QTMAN: variants seen among roughly 807,000 people sequenced by gnomAD.
QTMAN encodes tRNA-queuosine alpha-mannosyltransferase.
chr2:143,976,177 T>C, the QTMAN span, among the ~76,000 whole-genome samples: 28 of 151,484 alleles, frequency 1.8e-4, no homozygotes, highest in Non-Finnish European at 3.7e-4. Context: ...TTAGGCAGTT[T>C]TTGACTTTTT....
At chr2:144,140,406 T>C in the QTMAN span, among the ~76,000 whole-genome samples, 1 of 152,004 alleles carries the variant, frequency 6.6e-6, no homozygotes, top group Non-Finnish European at 1.5e-5. Context: ...ACATTTTGCC[T>C]ATATGTGATA....
chr2:144,144,732 C>T, the QTMAN span, among the ~76,000 whole-genome samples: 41 of 151,972 alleles, frequency 2.7e-4, no homozygotes, highest in East Asian at 7.2e-3. Flanking sequence ...TACTATATAG[C>T]CATTTTTCTA....
chr2:144,190,025 C>T, the QTMAN span, among the ~76,000 whole-genome samples: 8 of 152,042 alleles, frequency 5.3e-5, no homozygotes, highest in South Asian at 1.0e-3. Context: ...TAAGGAATTA[C>T]TTGGGGTTTT....
At chr2:144,097,629 T>TGAATTG in the QTMAN span, among the ~76,000 whole-genome samples, 1 of 152,180 alleles carries the variant, frequency 6.6e-6, no homozygotes, top group Non-Finnish European at 1.5e-5. Context: ...TGCAATAATA[T>TGAATTG]AGGTGCTGAA....
the QTMAN span, among the ~76,000 whole-genome samples, chr2:143,981,577 A>G: frequency 2.6e-4 from 39 of 152,238 alleles, no homozygotes. Context: ...AAAGTCATTA[A>G]TAAGAAATCC....
chr2:144,146,848 A>G, the QTMAN span, among the ~76,000 whole-genome samples: 1 of 151,886 alleles, frequency 6.6e-6, no homozygotes, highest in African/African-American at 2.4e-5. Context: ...AAGAAGGTTA[A>G]GAGTTTTTCT....
the QTMAN span, among the ~76,000 whole-genome samples, chr2:144,086,034 G>A: frequency 6.6e-6 from 1 of 151,974 alleles, no homozygotes; most frequent in South Asian, 2.1e-4. Context: ...TATTGACTGA[G>A]CATCACATAC....
the QTMAN span, among the ~76,000 whole-genome samples, chr2:144,184,545 G>A: frequency 5.9e-5 from 9 of 152,030 alleles, no homozygotes; most frequent in South Asian, 6.2e-4. Context: ...ATTTGAACAC[G>A]GTTAATACAG....
the QTMAN span, among the ~76,000 whole-genome samples, chr2:144,198,244 G>A: frequency 6.6e-6 from 1 of 151,880 alleles, no homozygotes; most frequent in Non-Finnish European, 1.5e-5. Context: ...TACCAGCAAT[G>A]TAATGTAATT....
the QTMAN span, among the ~76,000 whole-genome samples, chr2:144,329,204 T>G: frequency 1.3e-5 from 2 of 151,240 alleles, no homozygotes; most frequent in East Asian, 1.9e-4. Context: ...ATCACACCAT[T>G]GCAATCCAGC....
chr2:143,968,438 A>G, the QTMAN span, among the ~76,000 whole-genome samples: 1 of 152,152 alleles, frequency 6.6e-6, no homozygotes, highest in Non-Finnish European at 1.5e-5. Flanking sequence ...ACTCACCTGT[A>G]ATTACTGAGC....
the QTMAN span, among the ~76,000 whole-genome samples, chr2:144,114,129 G>A: frequency 6.6e-6 from 1 of 152,142 alleles, no homozygotes. Context: ...TGCATCATCT[G>A]TCATTAGAAC....
chr2:144,136,919 T>C, the QTMAN span, among the ~76,000 whole-genome samples: 7 of 152,160 alleles, frequency 4.6e-5, no homozygotes, highest in African/African-American at 1.7e-4. Flanking sequence ...ACCAATCATC[T>C]TGCAGGCCTG....
At chr2:144,286,340 A>G in the QTMAN span, among the ~76,000 whole-genome samples, 2 of 152,226 alleles carry the variant, frequency 1.3e-5, no homozygotes, top group Non-Finnish European at 2.9e-5. Context: ...TAAAGCAGGT[A>G]TCTTAGGCTA....
At chr2:144,204,009 A>C in the QTMAN span, among the ~76,000 whole-genome samples, 1 of 152,140 alleles carries the variant, frequency 6.6e-6, no homozygotes, top group Non-Finnish European at 1.5e-5. Flanking sequence ...GATGGATTAA[A>C]GACTTAAATG....
chr2:143,963,542 A>T, the QTMAN span, among the ~76,000 whole-genome samples: 1 of 151,604 alleles, frequency 6.6e-6, no homozygotes, highest in African/African-American at 2.4e-5. Context: ...TTCTCACTTC[A>T]TACATGTTCT....
At chr2:144,261,991 T>C in the QTMAN span, among the ~76,000 whole-genome samples, 20 of 151,962 alleles carry the variant, frequency 1.3e-4, no homozygotes, top group African/African-American at 4.8e-4. Context: ...GTAAAAAGGG[T>C]GGAGGCAGAA....
At chr2:144,022,603 C>T in the QTMAN span, among the ~76,000 whole-genome samples, 29 of 120,282 alleles carry the variant, frequency 2.4e-4, no homozygotes, top group African/African-American at 9.0e-4. Context: ...CTTGCTCTGT[C>T]GCCACGCTGG....
the QTMAN span, among the ~76,000 whole-genome samples, chr2:144,130,977 A>G: frequency 6.6e-6 from 1 of 151,974 alleles, no homozygotes; most frequent in African/African-American, 2.4e-5. Flanking sequence ...TTACCCAGAA[A>G]TAAAGAGTTG....
Sources: gnomAD v4.1 joint callset for allele counts (sites outside exome capture counted in the v4.1 genomes callset) on GRCh38, gnomAD v4.1.1 for gene constraint, MANE v1.5 for transcripts, NCBI Gene and HGNC (gene_info 2026-07-23, HGNC 2026-07-21) for gene names.